The following GAS2 variants were observed in gnomAD, a reference collection of about 807,000 sequenced individuals.
GAS2 encodes growth arrest specific 2, also known as growth arrest-specific protein 2.
In GAS2, 20 loss-of-function variants were observed where a neutral mutation model predicts 37.5. That is an observed-to-expected ratio of 0.53 (90% CI 0.37 to 0.77). The LOEUF is 0.77. Among genes scored for constraint, GAS2 ranks in the 30% least tolerant of loss-of-function variants. GAS2 has a pLI of 0.00. For synonymous variants in GAS2, 144 were observed against 132.2 expected (o/e 1.09, Z -0.61); for missense variants, 336 against 373.4 (o/e 0.90, Z 0.82).
chr11:22,638,631 C>G (rs1858870978), intron 1 of GAS2, among the ~76,000 whole-genome samples: 1 of 152,118 alleles, frequency 6.6e-6, no homozygotes. Context: ...CAGGCATGAG[C>G]CGTTGCACGC....
chr11:22,761,853 T>C (rs1854411314), intron 7 of GAS2, among the ~76,000 whole-genome samples: 1 of 152,150 alleles, frequency 6.6e-6, no homozygotes, highest in African/African-American at 2.4e-5. Context: ...CCCTGGCAGC[T>C]TAACTCCTAA....
chr11:22,719,392 C>G (rs145711555), intron 3 of GAS2, among the ~76,000 whole-genome samples: 1 of 151,954 alleles, frequency 6.6e-6, no homozygotes. Flanking sequence ...TTAGATTTCA[C>G]CTATTAGAGA....
At chr11:22,665,380 T>G (rs1390570012), upstream of GAS2, among the ~76,000 whole-genome samples, 1 of 152,168 alleles carries the variant, frequency 6.6e-6, no homozygotes, top group Non-Finnish European at 1.5e-5. Context: ...CAAAATTCTT[T>G]GTTGGGGCTC....
chr11:22,649,668 G>T (rs1012741998), intron 1 of GAS2, among the ~76,000 whole-genome samples: 2 of 152,144 alleles, frequency 1.3e-5, no homozygotes, highest in East Asian at 3.9e-4. Context: ...GTCGAGGAAT[G>T]TATCCATTTC....
At chr11:22,648,836 T>A (rs1161292233) in intron 1 of GAS2, among the ~76,000 whole-genome samples, 1 of 152,238 alleles carries the variant, frequency 6.6e-6, no homozygotes, top group Non-Finnish European at 1.5e-5. Flanking sequence ...TGGGGTTTTC[T>A]AGATATACAA....
At chr11:22,782,482 G>A (rs761940199) in intron 7 of GAS2, among the ~76,000 whole-genome samples, 1 of 151,986 alleles carries the variant, frequency 6.6e-6, no homozygotes, top group African/African-American at 2.4e-5. Flanking sequence ...CCAGTGCTGA[G>A]GTTGGGGTAT....
At chr11:22,796,219 A>T (rs1429695258) in intron 7 of GAS2, among the ~76,000 whole-genome samples, 1 of 152,098 alleles carries the variant, frequency 6.6e-6, no homozygotes, top group Non-Finnish European at 1.5e-5. Context: ...ACCAATCCTT[A>T]TACCAATTTT....
At chr11:22,697,618 A>C (rs181398372) in intron 3 of GAS2, among the ~76,000 whole-genome samples, 2,147 of 152,036 alleles carry the variant, frequency 0.014, 33 homozygotes, top group African/African-American at 0.038. Flanking sequence ...CTTTTATTTC[A>C]TTGAGCAGTG....
At chr11:22,715,684 A>G (rs574876190) in intron 3 of GAS2, among the ~76,000 whole-genome samples, 27 of 152,020 alleles carry the variant, frequency 1.8e-4, no homozygotes, top group Admixed American at 7.2e-4. Context: ...AATAACAAGT[A>G]GCAAGATTGA....
chr11:22,778,484 C>T (rs1435315807), intron 7 of GAS2, among the ~76,000 whole-genome samples: 1 of 152,162 alleles, frequency 6.6e-6, no homozygotes, highest in Non-Finnish European at 1.5e-5. Flanking sequence ...GGAGGGGTTA[C>T]TTTGGGTAAA....
intron 3 of GAS2, among the ~76,000 whole-genome samples, chr11:22,713,057 A>C (rs1851483068): frequency 8.4e-6 from 1 of 118,840 alleles, no homozygotes; most frequent in African/African-American, 2.8e-5. Flanking sequence ...GCAGGGTGAG[A>C]CTGTGTCAAA....
At chr11:22,734,588 AAAT>A (rs1386903530) in intron 4 of GAS2, among the ~76,000 whole-genome samples, 1 of 151,544 alleles carries the variant, frequency 6.6e-6, no homozygotes, top group Non-Finnish European at 1.5e-5. Context: ...AAACCAAATA[AAAT>A]AATAATGAAA....
chr11:22,759,424 C>A (rs1854245638), intron 7 of GAS2, among the ~76,000 whole-genome samples: 1 of 152,136 alleles, frequency 6.6e-6, no homozygotes, highest in Admixed American at 6.5e-5. Context: ...CAGAGAAAAA[C>A]CTCTGAGGAT....
chr11:22,749,292 C>A (rs376345146), intron 6 of GAS2, 31 bp downstream of exon 6: 1 of 1,596,616 alleles, frequency 6.3e-7, no homozygotes, highest in Admixed American at 1.7e-5. Flanking sequence ...TTCTTACCAA[C>A]GGTTAGTCTT....
At chr11:22,787,865 GA>G (rs1248339537) in intron 7 of GAS2, among the ~76,000 whole-genome samples, 1 of 152,130 alleles carries the variant, frequency 6.6e-6, no homozygotes, top group African/African-American at 2.4e-5. Context: ...TAGTTCTTTT[GA>G]AAGAGATCTT....
intron 3 of GAS2, among the ~76,000 whole-genome samples, chr11:22,696,993 G>A (rs1196696358): frequency 5.3e-5 from 8 of 150,380 alleles, no homozygotes; most frequent in African/African-American, 1.7e-4. Flanking sequence ...ATTGCTTTTG[G>A]TGTTTTAGAC....
chr11:22,653,670 A>C (rs992196658), intron 1 of GAS2, among the ~76,000 whole-genome samples: 37 of 152,242 alleles, frequency 2.4e-4, no homozygotes, highest in Non-Finnish European at 4.1e-4. Flanking sequence ...CATTAGCAAG[A>C]CCTAGTCTAA....
intron 7 of GAS2, among the ~76,000 whole-genome samples, chr11:22,777,940 A>G (rs1855347045): frequency 2.0e-5 from 3 of 152,228 alleles, no homozygotes; most frequent in Admixed American, 2.0e-4. Context: ...TCAGTTGTTC[A>G]TATGCTATGT....
rs34715661 is a variant in GAS2 at position 22,763,616 on chromosome 11, TACACACACACACACACAC to T, written c.723+7690_723+7707del. 1.9e-4 allele frequency among the ~76,000 whole-genome samples: 27 copies of T among 143,902 alleles called. No homozygotes were observed. In the South Asian group the frequency reaches 2.3e-3, roughly 12 times the overall value. The allele number at this position is 143,902 out of a possible 152,430, so 94.4% of individuals were successfully genotyped here. A position where few individuals can be genotyped will look rare whatever the true frequency, so the allele number is the denominator to read the frequency against. On this transcript the variant is annotated intron_variant, in intron 7 of 7. Transcript: ENST00000454584. ...AACAATTCATTTAAAAAAATACACATACACACACACACACACACACACACACACACACACACACACACA... is the reference window on the plus strand; with the variant it reads ...AACAATTCATTTAAAAAAATACACATACACACACACACACACACACACACA...
Sources: allele counts gnomAD v4.1 joint callset (sites outside exome capture counted in the v4.1 genomes callset), GRCh38; gene constraint gnomAD v4.1.1; transcripts MANE v1.5; gene names NCBI Gene and HGNC (gene_info 2026-07-23, HGNC 2026-07-21).